KMT2E: variants seen among roughly 807,000 people sequenced by gnomAD.
KMT2E encodes histone reader KMT2E.
A neutral mutation model predicts 184.6 loss-of-function variants in KMT2E; 30 were observed. That is an observed-to-expected ratio of 0.16 (90% CI 0.12 to 0.22). The LOEUF is 0.22. Ranked by LOEUF, KMT2E falls within the 10% of genes least tolerant of loss-of-function variation. KMT2E has a pLI of 1.00. For synonymous variants in KMT2E, 815 were observed against 776.5 expected, an observed-to-expected ratio of 1.05 and a Z score of -0.82; for missense variants, 2,023 against 2,237.4, an observed-to-expected ratio of 0.90 and a Z score of 1.93.
chr7:105,050,053 T>C (rs1339920217), intron 3 of KMT2E, among the ~76,000 whole-genome samples: 1 of 152,188 alleles, frequency 6.6e-6, no homozygotes, highest in Non-Finnish European at 1.5e-5. Context: ...GTTTCTCTAT[T>C]AGATCATTCC....
At chr7:105,058,746 A>G (rs1796673401) in intron 3 of KMT2E, among the ~76,000 whole-genome samples, 1 of 152,196 alleles carries the variant, frequency 6.6e-6, no homozygotes, top group Non-Finnish European at 1.5e-5. Flanking sequence ...ATTACCTGCT[A>G]CTAGGTTGGT....
rs1299569040 is a variant in KMT2E at position 105,112,946 on chromosome 7, G to A, written c.5190G>A (p.Gly1730=). ...CACCTTCCAGTGTTTTGGCTTCTGG[G>A]CATCATACCACATCAGCTCAAGCCT... ...PPPPSSVLAS[G]HHTTSAQALH... is the part of the protein sequence containing the mutation. The change falls in exon 27 of 27, where the codon GGG becomes GGA. Residue 1730 remains glycine (G), a synonymous_variant. Transcript: ENST00000311117. The A allele has an allele frequency of 6.2e-7, 1 of 1,613,772 alleles. No individual in the cohort carries two copies. Among genetic ancestry groups the A allele is most frequent in the African/African-American group, 1.3e-5 (1 of 74,910 alleles).
chr7:105,026,465 T>C (rs1424686772), intron 1 of KMT2E, among the ~76,000 whole-genome samples: 1 of 152,240 alleles, frequency 6.6e-6, no homozygotes, highest in African/African-American at 2.4e-5. Context: ...CCTTCCTATG[T>C]AAAAGCATCA....
rs746273670 is a variant in KMT2E, at chr7:105,113,193, C to T, written c.5437C>T (p.Pro1813Ser). 1.2e-6 allele frequency: 2 copies of T among 1,614,224 alleles called. No homozygotes were observed. Among genetic ancestry groups the T allele is most frequent in the Non-Finnish European group, 1.7e-6 (2 of 1,180,034 alleles). Residue 1813 changes from proline (P) to serine (S), a missense_variant, in exon 27 of 27, where the codon CCT becomes TCT. Coordinates refer to ENST00000311117, the MANE Select transcript of KMT2E (RefSeq NM_182931.3). ...AACACCTACTGCTTCAGGGTTCTGT[C>T]CTCATCCTGGCTCTGTGGCCCTGCC... ...IPTPTASGFC[P>S]HPGSVALPHG...
chr7:105,058,694 G>A (rs1796669812), intron 3 of KMT2E, among the ~76,000 whole-genome samples: 1 of 152,110 alleles, frequency 6.6e-6, no homozygotes, highest in Admixed American at 6.6e-5. Context: ...AATTATGGTG[G>A]TTTTGACCAT....
At chr7:105,034,661 C>T (rs1239345690) in intron 1 of KMT2E, among the ~76,000 whole-genome samples, 1 of 152,058 alleles carries the variant, frequency 6.6e-6, no homozygotes, top group African/African-American at 2.4e-5. Context: ...CTGTACCCAC[C>T]ACCACAGTTA....
chr7:105,037,968 A>G (rs946696099), intron 1 of KMT2E, among the ~76,000 whole-genome samples, 158 bp from the exon 2 acceptor site: 2 of 152,096 alleles, frequency 1.3e-5, no homozygotes, highest in Non-Finnish European at 2.9e-5. Context: ...TTGTGTTTAC[A>G]TTCATTTGTG....
chr7:105,081,141 G>A (rs1173109767), intron 12 of KMT2E, among the ~76,000 whole-genome samples: 1 of 152,168 alleles, frequency 6.6e-6, no homozygotes, highest in African/African-American at 2.4e-5. Flanking sequence ...CAGCACTTGG[G>A]GAGGCCGAGG....
intron 15 of KMT2E, among the ~76,000 whole-genome samples, chr7:105,098,126 A>T (rs1176098777): frequency 6.6e-6 from 1 of 152,224 alleles, no homozygotes; most frequent in Non-Finnish European, 1.5e-5. Flanking sequence ...TCTTTGTTAT[A>T]TAAAAGGGTA....
At chr7:105,065,549 C>T (rs1267733061) in intron 5 of KMT2E, among the ~76,000 whole-genome samples, 1 of 151,992 alleles carries the variant, frequency 6.6e-6, no homozygotes, top group African/African-American at 2.4e-5. Context: ...AGTACTGAAC[C>T]CTACAGTACT....
In KMT2E at chr7:105,114,676, G is replaced by GGATACAAATT. The variant is rs1418107875; in HGVS notation, c.*1344_*1353dup. ...CAATTACCTGACATAATTTGGCACAGGATACAAATTCTGTGCATCAGAGAA... is the reference window on the plus strand; with the variant it reads ...CAATTACCTGACATAATTTGGCACAGGATACAAATTGATACAAATTCTGTGCATCAGAGAA... On this transcript the variant is annotated 3_prime_UTR_variant, in exon 27 of 27. Transcript: ENST00000311117. 6.6e-6 allele frequency among the ~76,000 whole-genome samples: 1 copy of GGATACAAATT among 152,114 alleles called. No individual in the cohort carries two copies. The highest frequency in any genetic ancestry group is 1.5e-5 in the Non-Finnish European group (1 of 68,026).
chr7:105,079,637 G>A (rs1468593119), intron 12 of KMT2E, among the ~76,000 whole-genome samples: 1 of 137,858 alleles, frequency 7.3e-6, no homozygotes, highest in Non-Finnish European at 1.5e-5. Flanking sequence ...TGATCCTCCT[G>A]TCTCAGCTTT....
chr7:105,040,650 A>G (rs1795840924), intron 2 of KMT2E, among the ~76,000 whole-genome samples, 189 bp from the exon 3 acceptor site: 1 of 152,196 alleles, frequency 6.6e-6, no homozygotes, highest in South Asian at 2.1e-4. Context: ...ATTCCCTCAG[A>G]AAGATTGTGA....
intron 15 of KMT2E, among the ~76,000 whole-genome samples, chr7:105,097,629 C>T (rs1798467885): frequency 6.6e-6 from 1 of 152,128 alleles, no homozygotes; most frequent in African/African-American, 2.4e-5. Context: ...TTGTGATGAT[C>T]CACCCACCTC....
intron 12 of KMT2E, among the ~76,000 whole-genome samples, chr7:105,079,262 A>G (rs1322229061): frequency 6.6e-6 from 1 of 151,496 alleles, no homozygotes; most frequent in Admixed American, 6.6e-5. Flanking sequence ...AGCCTCCCGA[A>G]TAGGTGGGAT....
chr7:105,081,039 C>T (rs896093776), intron 12 of KMT2E, among the ~76,000 whole-genome samples: 16 of 151,628 alleles, frequency 1.1e-4, no homozygotes, highest in African/African-American at 3.4e-4. Context: ...CCCTAAGATG[C>T]CACCAGTTAT....
At position 105,109,179 on chromosome 7, in the gene KMT2E, C is replaced by T. The variant is rs1450852457; in HGVS notation, c.3706C>T (p.Pro1236Ser). The T allele has an allele frequency of 2.5e-6, 4 of 1,613,912 alleles. No individual in the cohort carries two copies. The highest frequency in any genetic ancestry group is 3.4e-6 in the Non-Finnish European group (4 of 1,180,002). The change falls in exon 23 of 27, where the codon CCT becomes TCT. Residue 1236 changes from proline to serine, a missense_variant. This residue lies in a region of KMT2E where 1,108 missense variants were observed against 1,050.9 expected (regional missense o/e 1.05). Coordinates refer to ENST00000311117, the MANE Select transcript of KMT2E (RefSeq NM_182931.3). ...TTCTGAAGAAACTAGCAATAACTGC[C>T]CTGTTAAGGATGCTACTGCTAGTGA... Reference protein sequence around the residue: ...ATSEETSNNCPVKDATASEKN... With the variant: ...ATSEETSNNCSVKDATASEKN...
chr7:105,068,449 A>G (rs1431898318), intron 6 of KMT2E, among the ~76,000 whole-genome samples: 1 of 151,494 alleles, frequency 6.6e-6, no homozygotes, highest in African/African-American at 2.4e-5. Flanking sequence ...TTTTATTGGA[A>G]CAAACTTCTC....
intron 3 of KMT2E, among the ~76,000 whole-genome samples, chr7:105,054,866 T>G (rs1206884808): frequency 6.6e-6 from 1 of 152,172 alleles, no homozygotes; most frequent in Non-Finnish European, 1.5e-5. Flanking sequence ...GTTACCACTT[T>G]GGACTCTGGA....
Sources: allele counts gnomAD v4.1 joint callset (sites outside exome capture counted in the v4.1 genomes callset), GRCh38; gene constraint gnomAD v4.1.1; regional missense constraint gnomAD v4.1.1; transcripts MANE v1.5; gene names NCBI Gene and HGNC (gene_info 2026-07-23, HGNC 2026-07-21).